CD2AP: variants seen among roughly 807,000 people sequenced by gnomAD.
CD2AP encodes the protein CD2-associated protein.
A neutral mutation model predicts 85.1 loss-of-function variants in CD2AP; 46 were observed. The observed-to-expected ratio is 0.54, with a 90% confidence interval of 0.43 to 0.69. The LOEUF (loss-of-function observed/expected upper bound fraction) is 0.69. CD2AP is among the 30% of genes least tolerant of loss of function. The pLI, the probability that CD2AP is intolerant of heterozygous loss-of-function variation, is 0.00. For missense variants in CD2AP, 769 were observed against 729.5 expected, an observed-to-expected ratio of 1.05 and a Z score of -0.62; for synonymous variants, 255 against 252.9, an observed-to-expected ratio of 1.01 and a Z score of -0.08.
intron 11 of CD2AP, among the ~76,000 whole-genome samples, chr6:47,592,573 T>A (rs1323253786): frequency 6.6e-6 from 1 of 152,160 alleles, no homozygotes; most frequent in Non-Finnish European, 1.5e-5. Context: ...TTTTGTTATT[T>A]ATAACAAGCA....
intron 1 of CD2AP, among the ~76,000 whole-genome samples, chr6:47,489,465 C>T (rs1013275326): frequency 1.1e-4 from 17 of 152,064 alleles, no homozygotes; most frequent in Non-Finnish European, 8.8e-5. Context: ...CATGAGCCAC[C>T]GTGCCCGGCT....
At chr6:47,542,313 T>G (rs1399499045) in intron 3 of CD2AP, among the ~76,000 whole-genome samples, 1 of 152,170 alleles carries the variant, frequency 6.6e-6, no homozygotes, top group East Asian at 1.9e-4. Flanking sequence ...GTAGACACTC[T>G]TGTGATAATA....
chr6:47,566,620 T>C (rs149184452), intron 5 of CD2AP, among the ~76,000 whole-genome samples: 59 of 152,002 alleles, frequency 3.9e-4, no homozygotes, highest in African/African-American at 1.3e-3. Context: ...CTTCCCCCGC[T>C]CCTCACCCCT....
chr6:47,577,978 G>A (rs138376869), intron 8 of CD2AP, among the ~76,000 whole-genome samples: 4 of 152,034 alleles, frequency 2.6e-5, no homozygotes, highest in Non-Finnish European at 5.9e-5. Context: ...TATAGGATAC[G>A]TAGTAATAAA....
intron 12 of CD2AP, among the ~76,000 whole-genome samples, 157 bp from the exon 13 acceptor site, chr6:47,599,144 T>TAA (rs1769034200): frequency 7.2e-6 from 1 of 139,126 alleles, no homozygotes; most frequent in Non-Finnish European, 1.7e-5. Context: ...TTTATTGTGA[T>TAA]CAGCCTTAGG....
Position 47,608,252 on chromosome 6 carries a change from A to T in CD2AP, c.1632+224A>T, listed in dbSNP as rs189248319. On this transcript the variant is annotated intron_variant, in intron 15 of 17. Coordinates refer to ENST00000359314, the MANE Select transcript of CD2AP (RefSeq NM_012120.3). ...GAATAAAATAAATATTACATATTTC[A>T]TATTTTTTAAGGCATAGATCTCTGC... Among the ~76,000 whole-genome samples, 180 of 152,320 alleles carry T rather than the reference A, an allele frequency of 1.2e-3. 2 individuals are homozygous for T. Among genetic ancestry groups the T allele is most frequent in the African/African-American group, 4.1e-3 (172 of 41,580 alleles).
Position 47,573,985 on chromosome 6 carries a change from A to G in CD2AP, c.542-79A>G. 2 of 1,221,160 alleles carry G rather than the reference A, an allele frequency of 1.6e-6. 1 individual carries two copies. The highest frequency in any genetic ancestry group is 4.6e-5 in the East Asian group (2 of 43,012). 75.6% of individuals were successfully genotyped at this position (1,221,160 alleles called of 1,614,324 possible). On this transcript the variant is annotated intron_variant, in intron 5 of 17. Coordinates refer to ENST00000359314, the MANE Select transcript of CD2AP (RefSeq NM_012120.3). ...TACTGTGTTTTATTAGAAGGCATAT[A>G]GAATGTAGACATTATGACAGGATGT...
intron 10 of CD2AP, 142 bp from the exon 11 acceptor site, chr6:47,581,861 T>C: frequency 1.6e-6 from 1 of 624,524 alleles, no homozygotes; most frequent in Non-Finnish European, 2.9e-6. Context: ...TTGAGCCTGG[T>C]AATTCCGGTA....
chr6:47,582,430 A>G (rs1218273755), intron 11 of CD2AP, among the ~76,000 whole-genome samples: 3 of 152,324 alleles, frequency 2.0e-5, no homozygotes, highest in East Asian at 1.9e-4. Flanking sequence ...AATTAATTAC[A>G]TATTATTTAA....
chr6:47,495,959 G>C (rs1179777804), intron 1 of CD2AP, among the ~76,000 whole-genome samples: 1 of 151,870 alleles, frequency 6.6e-6, no homozygotes, highest in Admixed American at 6.6e-5. Flanking sequence ...CTTTGTTACT[G>C]GTTCTGTTAT....
chr6:47,589,465 T>C lies in CD2AP; in HGVS notation c.1109-6396T>C, dbSNP rs1005244775. On this transcript the variant is annotated intron_variant, in intron 11 of 17. Transcript: ENST00000359314. ...ACACACACAAATATATATACATATATACACACACATATACACATATGTATG... is the reference window on the plus strand; with the variant it reads ...ACACACACAAATATATATACATATACACACACACATATACACATATGTATG... Among the ~76,000 whole-genome samples the C allele has an allele frequency of 3.4e-5, 5 of 147,554 alleles. No individual in the cohort carries two copies. The East Asian group carries it at 5.9e-4, about 17-fold the overall frequency.
chr6:47,509,456 A>G (rs1323329459), intron 2 of CD2AP, among the ~76,000 whole-genome samples: 8 of 151,218 alleles, frequency 5.3e-5, no homozygotes, highest in African/African-American at 1.7e-4. Flanking sequence ...AAAAAAATTC[A>G]GTTATTTGTG....
At chr6:47,503,493 A>C (rs1766052008) in intron 2 of CD2AP, 53 bp downstream of exon 2, 1 of 1,373,812 alleles carries the variant, frequency 7.3e-7, no homozygotes, top group South Asian at 1.2e-5. Context: ...TTTAATCTTT[A>C]AATGTTAAGA....
chr6:47,494,777 T>G (rs963665377), intron 1 of CD2AP, among the ~76,000 whole-genome samples: 16 of 152,184 alleles, frequency 1.1e-4, no homozygotes, highest in African/African-American at 3.9e-4. Flanking sequence ...AAAATTACCA[T>G]TTAAGTGTTT....
At chr6:47,478,889 G>T (rs1765378120) in intron 1 of CD2AP, among the ~76,000 whole-genome samples, 1 of 152,134 alleles carries the variant, frequency 6.6e-6, no homozygotes, top group Non-Finnish European at 1.5e-5. Context: ...TTGAGGAGCA[G>T]TTTCCTGTTT....
At chr6:47,590,911 C>CA (rs1157694132) in intron 11 of CD2AP, among the ~76,000 whole-genome samples, 2 of 151,852 alleles carry the variant, frequency 1.3e-5, no homozygotes, top group African/African-American at 2.4e-5. Flanking sequence ...AGAAGACACA[C>CA]AAAAAAATGG....
chr6:47,513,818 C>T lies in CD2AP; in HGVS notation c.165+10378C>T, dbSNP rs191903307. On this transcript the variant is annotated intron_variant, in intron 2 of 17. Transcript: ENST00000359314. ...CATGTTCAACTATACTAGATGTTGT[C>T]TGATTTCTCTCTCAAGTAATTATAC... Among the ~76,000 whole-genome samples the T allele has an allele frequency of 1.0e-3, 154 of 148,214 alleles. No individual in the cohort carries two copies. In the South Asian group the frequency reaches 0.011, roughly 10 times the overall value.
At chr6:47,478,365 C>G in intron 1 of CD2AP, 117 bp downstream of exon 1, 1 of 1,165,994 alleles carries the variant, frequency 8.6e-7, no homozygotes, top group Non-Finnish European at 1.3e-6. Flanking sequence ...GGCAGCACCC[C>G]ACCCTCTCCA....
intron 5 of CD2AP, among the ~76,000 whole-genome samples, chr6:47,564,301 G>T (rs988150942): frequency 6.6e-6 from 1 of 151,876 alleles, no homozygotes; most frequent in African/African-American, 2.4e-5. Context: ...TTAAAATTTG[G>T]TGTAAATTAA....
Sources: allele counts gnomAD v4.1 joint callset (sites outside exome capture counted in the v4.1 genomes callset), GRCh38; gene constraint gnomAD v4.1.1; transcripts MANE v1.5; gene names NCBI Gene and HGNC (gene_info 2026-07-23, HGNC 2026-07-21).